AOPEP: variants seen among roughly 807,000 people sequenced by gnomAD.
The protein encoded by AOPEP is aminopeptidase O (putative), also known as aminopeptidase O.
AOPEP carries 77 observed loss-of-function variants against 98.1 expected under a neutral mutation model. That is an observed-to-expected ratio of 0.78 (90% CI 0.65 to 0.95). AOPEP has a LOEUF of 0.95. AOPEP is among the 40% of genes least tolerant of loss of function. The probability of loss-of-function intolerance (pLI) is 0.00; values close to 1 mark genes in which losing one functional copy is unlikely to be tolerated. For missense variants in AOPEP, 1,024 were observed against 1,024.7 expected, an observed-to-expected ratio of 1.00 and a Z score of 0.01; for synonymous variants, 346 against 365.3, an observed-to-expected ratio of 0.95 and a Z score of 0.60.
chr9:94,814,186 A>G (rs572680085), intron 5 of AOPEP, among the ~76,000 whole-genome samples: 9 of 152,348 alleles, frequency 5.9e-5, no homozygotes, highest in East Asian at 3.9e-4. Flanking sequence ...AACACCTCCA[A>G]TTGGTTCCTG....
At chr9:94,891,038 A>C (rs1323031636) in intron 5 of AOPEP, among the ~76,000 whole-genome samples, 1 of 152,238 alleles carries the variant, frequency 6.6e-6, no homozygotes, top group East Asian at 1.9e-4. Context: ...AAAGCAGGGT[A>C]CTGAAATAAC....
intron 2 of AOPEP, among the ~76,000 whole-genome samples, chr9:94,769,919 T>G (rs1455606689): frequency 6.6e-6 from 1 of 152,148 alleles, no homozygotes; most frequent in Non-Finnish European, 1.5e-5. Flanking sequence ...AATACTGAAC[T>G]GGGAAGGAAA....
At chr9:95,101,399 C>T in the AOPEP span, 1 of 444,670 alleles carries the variant, frequency 2.2e-6, no homozygotes, top group African/African-American at 1.9e-5. Flanking sequence ...AAACTAGAAA[C>T]CTGTTCTCCC....
intron 3 of AOPEP, among the ~76,000 whole-genome samples, chr9:94,779,520 T>C (rs1842839160): frequency 6.6e-6 from 1 of 152,130 alleles, no homozygotes; most frequent in Non-Finnish European, 1.5e-5. Flanking sequence ...GAATGACATT[T>C]CAAAAACTAT....
At chr9:94,957,320 G>A (rs967604683) in intron 9 of AOPEP, among the ~76,000 whole-genome samples, 4 of 152,080 alleles carry the variant, frequency 2.6e-5, no homozygotes, top group Non-Finnish European at 5.9e-5. Context: ...TGATTCTCCC[G>A]CCTCAGCCTC....
At chr9:95,060,849 C>T (rs1287264601) in intron 14 of AOPEP, 39 bp downstream of exon 14, 1 of 1,287,356 alleles carries the variant, frequency 7.8e-7, no homozygotes, top group African/African-American at 1.5e-5. Context: ...CAGCAGGTCC[C>T]CACTGTTGTT....
chr9:94,878,753 AC>A (rs1290674746), intron 5 of AOPEP, among the ~76,000 whole-genome samples: 1 of 152,142 alleles, frequency 6.6e-6, no homozygotes, highest in Non-Finnish European at 1.5e-5. Flanking sequence ...GGCTCAGCTA[AC>A]TTTGCCAATT....
At chr9:94,865,338 TTC>T (rs2045590040) in intron 5 of AOPEP, among the ~76,000 whole-genome samples, 1 of 152,238 alleles carries the variant, frequency 6.6e-6, no homozygotes, top group Non-Finnish European at 1.5e-5. Flanking sequence ...CTTGTTTTAA[TTC>T]TTTTTTTACT....
intron 5 of AOPEP, among the ~76,000 whole-genome samples, chr9:94,850,811 T>C (rs2043461590): frequency 6.6e-6 from 1 of 152,242 alleles, no homozygotes; most frequent in South Asian, 2.1e-4. Context: ...TCATCTAAGC[T>C]GATCATGGTG....
the AOPEP span, chr9:95,098,961 C>G: frequency 5.8e-6 from 1 of 173,640 alleles, no homozygotes; most frequent in Non-Finnish European, 1.2e-5. Context: ...CAGGGCACAT[C>G]TAGGTTTCCT....
downstream of AOPEP, among the ~76,000 whole-genome samples, chr9:95,091,465 C>G (rs893215764): frequency 6.6e-6 from 1 of 152,170 alleles, no homozygotes; most frequent in African/African-American, 2.4e-5. Flanking sequence ...TGAGCCACTG[C>G]AGGCTCACTC....
At chr9:95,104,480 G>A in the AOPEP span, among the ~76,000 whole-genome samples, 65 of 151,982 alleles carry the variant, frequency 4.3e-4, no homozygotes, top group Admixed American at 1.4e-3. Context: ...GTGTGGATCC[G>A]CAGCAGGGGC....
the AOPEP span, chr9:95,100,853 C>T: frequency 8.7e-6 from 2 of 230,584 alleles, no homozygotes; most frequent in Non-Finnish European, 1.7e-5. Context: ...CAGTCTGGAA[C>T]TCCTGGGCTG....
At chr9:95,135,863 G>A in the AOPEP span, among the ~76,000 whole-genome samples, 1 of 152,174 alleles carries the variant, frequency 6.6e-6, no homozygotes, top group Non-Finnish European at 1.5e-5. Context: ...TCAAACACGC[G>A]TAATCATGCC....
chr9:95,111,238 A>G, the AOPEP span: 4 of 1,537,816 alleles, frequency 2.6e-6, no homozygotes, highest in African/African-American at 5.5e-5. Flanking sequence ...TTGCAGGAGA[A>G]TGGGCTGGCA....
intron 3 of AOPEP, among the ~76,000 whole-genome samples, chr9:94,780,296 A>G (rs918367933): frequency 2.6e-5 from 4 of 152,246 alleles, no homozygotes; most frequent in Admixed American, 6.5e-5. Context: ...TTATCAAAAA[A>G]TTGAGAATTA....
chr9:95,123,638 A>C, the AOPEP span: 1 of 614,318 alleles, frequency 1.6e-6, no homozygotes, highest in Non-Finnish European at 3.1e-6. Context: ...TAACAAATTC[A>C]TCATTGGAAA....
the AOPEP span, chr9:95,111,260 C>T: frequency 4.5e-6 from 7 of 1,545,758 alleles, no homozygotes; most frequent in Middle Eastern, 1.7e-4. Flanking sequence ...CGTCTCGTCT[C>T]TGGCCACCTC....
chr9:94,992,989 C>A lies in AOPEP; in HGVS notation c.1978-12169C>A, dbSNP rs1188520186. On this transcript the variant is annotated intron_variant, in intron 11 of 16. Transcript: ENST00000375315. ...GGAACCCTGTTTCTTCATTTCTTTTCTTTTCCAGTGGAAAATTGCTATTTG... is the reference window on the plus strand; with the variant it reads ...GGAACCCTGTTTCTTCATTTCTTTTATTTTCCAGTGGAAAATTGCTATTTG... Among the ~76,000 whole-genome samples, 3 of 152,154 alleles carry A rather than the reference C, an allele frequency of 2.0e-5. No individual in the cohort carries two copies. In the East Asian group the frequency reaches 5.8e-4, roughly 29 times the overall value.
Sources: allele counts gnomAD v4.1 joint callset (sites outside exome capture counted in the v4.1 genomes callset), GRCh38; gene constraint gnomAD v4.1.1; transcripts MANE v1.5; gene names NCBI Gene and HGNC (gene_info 2026-07-23, HGNC 2026-07-21).